OSBPL10: variants seen among roughly 807,000 people sequenced by gnomAD.
The protein encoded by OSBPL10 is oxysterol binding protein like 10.
A neutral mutation model predicts 81.7 loss-of-function variants in OSBPL10; 49 were observed. The ratio of observed to expected loss-of-function variants is 0.60; its 90% CI spans 0.48 to 0.76. The LOEUF (loss-of-function observed/expected upper bound fraction) is 0.76, where lower values mean the gene tolerates loss of function less well. OSBPL10 is among the 30% of genes least tolerant of loss of function. OSBPL10 has a pLI of 0.00. For missense variants in OSBPL10, 923 were observed against 987.8 expected (o/e 0.93, Z 0.88); for synonymous variants, 419 against 383.6 (o/e 1.09, Z -1.08).
At chr3:31,863,492 T>C (rs1701106997) in intron 3 of OSBPL10, among the ~76,000 whole-genome samples, 1 of 152,238 alleles carries the variant, frequency 6.6e-6, no homozygotes, top group Admixed American at 6.5e-5. Context: ...TATGCCACCT[T>C]GGGCTTATCA....
intron 2 of OSBPL10, among the ~76,000 whole-genome samples, chr3:32,006,929 AT>A (rs1384137483): frequency 2.0e-5 from 3 of 151,714 alleles, no homozygotes; most frequent in Non-Finnish European, 4.4e-5. Flanking sequence ...ATTTATTTTT[AT>A]TTTTTCATTT....
rs187184834 is a variant in OSBPL10, at chr3:31,826,900, G to C, written c.729+3140C>G. On this transcript the variant is annotated intron_variant, in intron 4 of 11. Transcript: ENST00000396556. The stretch of plus-strand genomic sequence containing the variant: ...ACTGAAACTTTAAACTCTTCCTAAA[G>C]GGGCTCGGCACCCTAAAATTCTCTC... 3.3e-5 allele frequency among the ~76,000 whole-genome samples: 5 copies of C among 152,246 alleles called. No homozygotes were observed. In the East Asian group the frequency reaches 9.7e-4, roughly 29 times the overall value.
chr3:31,662,802 A>G (rs930502325), intron 11 of OSBPL10: 1 of 985,436 alleles, frequency 1.0e-6, no homozygotes, highest in Non-Finnish European at 1.2e-6. Flanking sequence ...AGCCTTCCAC[A>G]GAAGCCAGAC....
At chr3:31,699,281 A>G (rs1476016060) in intron 7 of OSBPL10, among the ~76,000 whole-genome samples, 1 of 152,082 alleles carries the variant, frequency 6.6e-6, no homozygotes, top group Admixed American at 6.6e-5. Flanking sequence ...TCCCCTTCAC[A>G]TGGCCCATAG....
At chr3:31,759,635 C>T (rs1308059231) in intron 4 of OSBPL10, among the ~76,000 whole-genome samples, 1 of 152,152 alleles carries the variant, frequency 6.6e-6, no homozygotes, top group Non-Finnish European at 1.5e-5. Flanking sequence ...TTTTGACTCC[C>T]TAAAAACTTA....
intron 1 of OSBPL10, among the ~76,000 whole-genome samples, chr3:31,906,326 G>A (rs1309191414): frequency 2.0e-5 from 3 of 152,090 alleles, no homozygotes; most frequent in African/African-American, 7.2e-5. Flanking sequence ...ATAATATTAT[G>A]AGTATCTCTG....
rs779731619 is a variant in OSBPL10 at position 31,670,746 on chromosome 3, C to T, written c.1913+51G>A. The T allele has an allele frequency of 7.2e-6, 11 of 1,530,290 alleles. No individual in the cohort carries two copies. The South Asian group carries it at 1.3e-4, about 17-fold the overall frequency. The allele number at this position is 1,530,290 out of a possible 1,614,324, so 94.8% of individuals were successfully genotyped here. ...TCAGTCTTCTAATGGTGAAAGGAAA[C>T]TCAGGGCATCTTGTTAAGACAAAGC... On this transcript the variant is annotated intron_variant, in intron 9 of 11. Coordinates refer to ENST00000396556, the MANE Select transcript of OSBPL10 (RefSeq NM_017784.5).
intron 1 of OSBPL10, among the ~76,000 whole-genome samples, chr3:31,896,878 G>A (rs1289548592): frequency 6.6e-6 from 1 of 152,142 alleles, no homozygotes; most frequent in Non-Finnish European, 1.5e-5. Flanking sequence ...GGAGTTAAGG[G>A]TCCCTGGTTA....
chr3:32,077,686 G>A (rs901842601), upstream of OSBPL10: 2 of 152,314 alleles, frequency 1.3e-5, no homozygotes, highest in South Asian at 2.1e-4. Context: ...CCACACTAAC[G>A]GAAGAATCAT....
chr3:31,684,340 T>G (rs1271287226), intron 7 of OSBPL10, among the ~76,000 whole-genome samples: 1 of 152,214 alleles, frequency 6.6e-6, no homozygotes, highest in Non-Finnish European at 1.5e-5. Context: ...AAGACTGCTC[T>G]GAGTGATTTT....
At chr3:31,968,883 CAA>C (rs1259218715) in intron 1 of OSBPL10, among the ~76,000 whole-genome samples, 5 of 152,144 alleles carry the variant, frequency 3.3e-5, no homozygotes, top group African/African-American at 1.2e-4. Context: ...AAAATTACCA[CAA>C]AGAAATTTGC....
intron 4 of OSBPL10, among the ~76,000 whole-genome samples, chr3:31,780,672 T>A (rs1698668120): frequency 6.6e-6 from 1 of 152,148 alleles, no homozygotes; most frequent in African/African-American, 2.4e-5. Flanking sequence ...TCAAGGCAAC[T>A]ATGAACACCT....
At chr3:32,041,136 T>C (rs978023202) in intron 2 of OSBPL10, among the ~76,000 whole-genome samples, 1 of 152,014 alleles carries the variant, frequency 6.6e-6, no homozygotes, top group Non-Finnish European at 1.5e-5. Context: ...ATACACCCCA[T>C]GCCACTCTAG....
At chr3:32,015,033 T>C (rs939775211) in intron 2 of OSBPL10, among the ~76,000 whole-genome samples, 6 of 152,202 alleles carry the variant, frequency 3.9e-5, no homozygotes, top group South Asian at 4.1e-4. Flanking sequence ...AGGTAATTTA[T>C]AGATTCAATG....
Position 32,048,310 on chromosome 3 carries a change from ATT to A in OSBPL10, n.186-1709_186-1708del, listed in dbSNP as rs71068027. ...GTCATCTCTCCTAGACACTACTACT[ATT>A]TTTTTTTTTTTTTTTTGAGACAGTT... On this transcript the variant is annotated intron_variant and non_coding_transcript_variant, in intron 1 of 3. Transcript: ENST00000479173. Among the ~76,000 whole-genome samples, 20 of 134,598 alleles carry A rather than the reference ATT, an allele frequency of 1.5e-4. No individual in the cohort carries two copies. The East Asian group carries it at 3.1e-3, about 21-fold the overall frequency. 88.3% of individuals were successfully genotyped at this position (134,598 alleles called of 152,430 possible).
chr3:31,875,887 C>A (rs762303963), intron 3 of OSBPL10, among the ~76,000 whole-genome samples: 16 of 152,142 alleles, frequency 1.1e-4, no homozygotes, highest in Non-Finnish European at 1.9e-4. Flanking sequence ...AAATCCTCCA[C>A]AATAATCCAT....
rs1348678807 is a variant in OSBPL10 at position 31,965,465 on chromosome 3, T to A, written c.281+15434A>T. Among the ~76,000 whole-genome samples, 11 of 87,848 alleles carry A rather than the reference T, an allele frequency of 1.3e-4. 1 individual carries two copies. The highest frequency in any genetic ancestry group is 5.8e-4 in the African/African-American group (8 of 13,704). The allele number at this position is 87,848 out of a possible 152,430, so 57.6% of individuals were successfully genotyped here. ...TATATTATATAATATATAATTTATA[T>A]AATATATATTATATATTATCTATTT... On this transcript the variant is annotated intron_variant, in intron 1 of 11. Transcript: ENST00000396556.
intron 4 of OSBPL10, among the ~76,000 whole-genome samples, chr3:31,762,412 T>C (rs570141645): frequency 6.6e-6 from 1 of 152,220 alleles, no homozygotes; most frequent in South Asian, 2.1e-4. Context: ...AACAGTGCTT[T>C]CACAGTCACA....
At position 31,733,234 on chromosome 3, in the gene OSBPL10, C is replaced by A. The variant is rs1697031049; in HGVS notation, c.1095+23G>T. The A allele has an allele frequency of 1.9e-6, 3 of 1,607,924 alleles. No individual in the cohort carries two copies. In the South Asian group the frequency reaches 3.4e-5, roughly 18 times the overall value. On this transcript the variant is annotated intron_variant, in intron 6 of 11. Transcript: ENST00000396556. Reference sequence around the variant, plus strand: ...CAAGCGATAACACAAGCCATGAATGCACTGAGAGGACTGCACGCTTACCTC... The same window carrying A: ...CAAGCGATAACACAAGCCATGAATGAACTGAGAGGACTGCACGCTTACCTC...
Sources: gnomAD v4.1 joint callset for allele counts (sites outside exome capture counted in the v4.1 genomes callset) on GRCh38, gnomAD v4.1.1 for gene constraint, MANE v1.5 for transcripts, NCBI Gene and HGNC (gene_info 2026-07-23, HGNC 2026-07-21) for gene names.